The following CACNA2D3 variants were observed in gnomAD, a reference collection of about 807,000 sequenced individuals.
CACNA2D3 encodes the protein voltage-dependent calcium channel subunit alpha-2/delta-3.
CACNA2D3 carries 60 observed loss-of-function variants against 160.6 expected under a neutral mutation model. The ratio of observed to expected loss-of-function variants is 0.37; its 90% confidence interval spans 0.30 to 0.46. The LOEUF (loss-of-function observed/expected upper bound fraction) is 0.46. Ranked by LOEUF, CACNA2D3 falls within the 20% of genes least tolerant of loss-of-function variation. The pLI, the probability that CACNA2D3 is intolerant of heterozygous loss-of-function variation, is 1.00. For missense variants in CACNA2D3, 1,205 were observed against 1,365.0 expected (o/e 0.88, Z 1.85); for synonymous variants, 558 against 492.9 (o/e 1.13, Z -1.75).
At chr3:54,274,708 G>A (rs549082257) in intron 2 of CACNA2D3, among the ~76,000 whole-genome samples, 9 of 152,258 alleles carry the variant, frequency 5.9e-5, no homozygotes, top group South Asian at 2.1e-4. Flanking sequence ...AGGTGTCAGC[G>A]GACTGCAGTC....
chr3:54,204,349 T>C (rs1370552241), intron 2 of CACNA2D3, among the ~76,000 whole-genome samples: 1 of 146,800 alleles, frequency 6.8e-6, no homozygotes, highest in African/African-American at 2.7e-5. Context: ...TATAACCATA[T>C]GTATATGGCT....
chr3:54,475,723 T>G (rs1359646792), intron 4 of CACNA2D3, among the ~76,000 whole-genome samples: 3 of 152,070 alleles, frequency 2.0e-5, no homozygotes, highest in East Asian at 3.9e-4. Context: ...CAAATAAACA[T>G]TGTATATATT....
intron 9 of CACNA2D3, among the ~76,000 whole-genome samples, chr3:54,587,262 A>G (rs1702778217): frequency 1.6e-5 from 1 of 64,478 alleles, no homozygotes; most frequent in Admixed American, 1.8e-4. Context: ...AAGACTGATA[A>G]AAATGAAGAG....
chr3:54,157,519 G>A (rs554295427), intron 2 of CACNA2D3, among the ~76,000 whole-genome samples: 5 of 152,264 alleles, frequency 3.3e-5, no homozygotes, highest in East Asian at 3.9e-4. Context: ...GGCCAGGCAC[G>A]GTGGCTCACG....
chr3:54,618,352 C>CATACATATAT (rs56316245), intron 9 of CACNA2D3, among the ~76,000 whole-genome samples: 11,221 of 119,778 alleles, frequency 0.094, 757 homozygotes, highest in Middle Eastern at 0.12. Flanking sequence ...TTGATACATA[C>CATACATATAT]ATATATATAT....
chr3:54,883,725 T>G (rs1699855065), intron 21 of CACNA2D3, among the ~76,000 whole-genome samples: 1 of 151,728 alleles, frequency 6.6e-6, no homozygotes, highest in South Asian at 2.1e-4. Flanking sequence ...TCCTGCCACC[T>G]ACATGACTCT....
At chr3:54,474,135 C>A (rs7434222) in intron 4 of CACNA2D3, among the ~76,000 whole-genome samples, 60,619 of 152,014 alleles carry the variant, frequency 0.4, 12,732 homozygotes, top group Admixed American at 0.5. Flanking sequence ...ATAGCAAAGA[C>A]TTGGAACCAA....
chr3:54,627,044 CTG>C (rs1295228800), intron 9 of CACNA2D3, among the ~76,000 whole-genome samples: 1 of 152,196 alleles, frequency 6.6e-6, no homozygotes, highest in Non-Finnish European at 1.5e-5. Context: ...GATTTCTAGC[CTG>C]TGTCTGTCTT....
chr3:54,698,770 A>G (rs1700711710), intron 11 of CACNA2D3, among the ~76,000 whole-genome samples: 1 of 152,198 alleles, frequency 6.6e-6, no homozygotes, highest in Non-Finnish European at 1.5e-5. Flanking sequence ...CATTTGCCTA[A>G]CACTTTTCAT....
intron 9 of CACNA2D3, among the ~76,000 whole-genome samples, chr3:54,583,077 C>T (rs565709904): frequency 5.3e-5 from 8 of 152,174 alleles, no homozygotes; most frequent in East Asian, 3.9e-4. Flanking sequence ...AGTCTATAGC[C>T]GCATTTTTCT....
At chr3:54,201,011 C>T (rs1701167508) in intron 2 of CACNA2D3, among the ~76,000 whole-genome samples, 1 of 152,168 alleles carries the variant, frequency 6.6e-6, no homozygotes, top group Admixed American at 6.6e-5. Context: ...AGCCACTGAG[C>T]CACACATAAT....
intron 9 of CACNA2D3, among the ~76,000 whole-genome samples, chr3:54,608,633 T>C (rs1698685101): frequency 6.6e-6 from 1 of 152,248 alleles, no homozygotes. Context: ...ATGCTGTGTG[T>C]AGACCACTTT....
chr3:54,586,251 G>A (rs1198061479), intron 9 of CACNA2D3, among the ~76,000 whole-genome samples: 7 of 113,970 alleles, frequency 6.1e-5, no homozygotes, highest in African/African-American at 2.2e-4. Flanking sequence ...GCAATAGAGC[G>A]AGATCCATCT....
intron 14 of CACNA2D3, among the ~76,000 whole-genome samples, chr3:54,827,469 C>A (rs1162463868): frequency 6.6e-6 from 1 of 152,190 alleles, no homozygotes; most frequent in African/African-American, 2.4e-5. Context: ...GGTCTGTTTG[C>A]TTCCGTTTGC....
chr3:54,157,543 C>T (rs2107291652), intron 2 of CACNA2D3, among the ~76,000 whole-genome samples: 1 of 152,248 alleles, frequency 6.6e-6, no homozygotes, highest in African/African-American at 2.4e-5. Context: ...GTAATCGCAG[C>T]ACTTTGGGAG....
intron 11 of CACNA2D3, among the ~76,000 whole-genome samples, chr3:54,661,295 C>T (rs548255671): frequency 7.2e-5 from 11 of 152,262 alleles, no homozygotes; most frequent in African/African-American, 2.6e-4. Flanking sequence ...CCCATGGAAA[C>T]TTTAGGGTTT....
intron 29 of CACNA2D3, among the ~76,000 whole-genome samples, chr3:54,980,401 C>T (rs550100914): frequency 2.3e-4 from 35 of 152,292 alleles, no homozygotes; most frequent in African/African-American, 8.2e-4. Context: ...AATTTTTTTA[C>T]AAACCTTCCA....
At chr3:54,967,577 C>T (rs1050964322) in intron 27 of CACNA2D3, among the ~76,000 whole-genome samples, 2 of 152,120 alleles carry the variant, frequency 1.3e-5, no homozygotes, top group African/African-American at 2.4e-5. Flanking sequence ...GGGTAAATGA[C>T]GTGCTCCAGG....
At chr3:54,756,356 T>G (rs979149857) in intron 12 of CACNA2D3, among the ~76,000 whole-genome samples, 2 of 152,234 alleles carry the variant, frequency 1.3e-5, no homozygotes, top group African/African-American at 4.8e-5. Flanking sequence ...TGTGCCCATA[T>G]AAACATTGGC....
Sources: allele counts gnomAD v4.1 joint callset (sites outside exome capture counted in the v4.1 genomes callset), GRCh38; gene constraint gnomAD v4.1.1; transcripts MANE v1.5; gene names NCBI Gene and HGNC (gene_info 2026-07-23, HGNC 2026-07-21).